The following ANKMY1 variants were observed in gnomAD, a reference collection of about 807,000 sequenced individuals.
The protein encoded by ANKMY1 is ankyrin repeat and MYND domain-containing protein 1.
A neutral mutation model predicts 102.0 loss-of-function variants in ANKMY1; 98 were observed. That is an observed-to-expected ratio of 0.96 (90% CI 0.82 to 1.14). The LOEUF (loss-of-function observed/expected upper bound fraction) is 1.14. ANKMY1 is among the 50% of genes most tolerant of loss of function. The pLI is 0.00. For synonymous variants in ANKMY1, 582 were observed against 559.9 expected, an observed-to-expected ratio of 1.04 and a Z score of -0.56; for missense variants, 1,330 against 1,347.6, an observed-to-expected ratio of 0.99 and a Z score of 0.20.
intron 13 of ANKMY1, among the ~76,000 whole-genome samples, chr2:240,502,152 G>T (rs940515671): frequency 6.1e-5 from 9 of 146,404 alleles, no homozygotes; most frequent in Middle Eastern, 3.4e-3. Context: ...AATGTTGCTG[G>T]GGGACTTGCC....
chr2:240,529,862 C>A lies in ANKMY1; in HGVS notation c.481-353G>T, dbSNP rs139749100. On this transcript the variant is annotated intron_variant, in intron 4 of 17. Coordinates refer to ENST00000401804, the MANE Select transcript of ANKMY1 (RefSeq NM_001282771.3). The surrounding 1 kb of genome is among the most constrained non-coding windows in gnomAD (Gnocchi z 4.2). ...AGGGAACCCAGCCCAAACACCCCAA[C>A]AGGCTGGGGCAGCAGTGGGTGGGGA... 3.8e-3 allele frequency among the ~76,000 whole-genome samples: 586 copies of A among 152,226 alleles called. 9 individuals carry two copies. Among genetic ancestry groups the A allele is most frequent in the African/African-American group, 0.013 (542 of 41,554 alleles).
chr2:240,481,943 G>C (rs918964316), intron 16 of ANKMY1, among the ~76,000 whole-genome samples: 15 of 152,172 alleles, frequency 9.9e-5, no homozygotes, highest in African/African-American at 3.4e-4. Context: ...GAGCAGCCCA[G>C]GGCAGCTCCA....
rs746261567 is a variant in ANKMY1 at position 240,525,711 on chromosome 2, C to A, written c.1309G>T (p.Ala437Ser). The A allele has an allele frequency of 6.2e-7, 1 of 1,614,092 alleles. No individual in the cohort carries two copies. Among genetic ancestry groups the A allele is most frequent in the Admixed American group, 1.7e-5 (1 of 60,006 alleles). ...TGGGGCTCAGGTATGGTCCGTTCAG[C>A]AACATTGGGCTTGAAGGACTGGGCG... is the stretch of plus-strand genomic sequence containing the variant. The part of the protein sequence containing the change: ...YPAQSFKPNV[A>S]ERTIPEPQEP... Residue 437 changes from alanine (A) to serine (S), a missense_variant, in exon 7 of 18, where the codon GCT becomes TCT. Coordinates refer to ENST00000401804, the MANE Select transcript of ANKMY1 (RefSeq NM_001282771.3).
At chr2:240,538,982 G>C (rs2087774245) in intron 4 of ANKMY1, among the ~76,000 whole-genome samples, 1 of 152,166 alleles carries the variant, frequency 6.6e-6, no homozygotes, top group African/African-American at 2.4e-5. Flanking sequence ...CTCAGGGATT[G>C]TAAACGCACC....
intron 15 of ANKMY1, among the ~76,000 whole-genome samples, chr2:240,491,085 CTTT>C (rs1028811155): frequency 4.2e-5 from 6 of 144,348 alleles, no homozygotes; most frequent in Non-Finnish European, 9.1e-5. Flanking sequence ...TATATAATGA[CTTT>C]GTCTTTTTTT....
chr2:240,512,089 G>A (rs2080309930), intron 10 of ANKMY1, 88 bp from the exon 11 acceptor site: 2 of 1,412,748 alleles, frequency 1.4e-6, no homozygotes, highest in Non-Finnish European at 1.8e-6. Flanking sequence ...TTCCTCCCCA[G>A]CCTGCGGGTC....
In ANKMY1 at chr2:240,520,449, C is replaced by A; in HGVS notation, c.1917G>T (p.Leu639=). 1.2e-6 allele frequency: 2 copies of A among 1,613,358 alleles called. No homozygotes were observed. Among genetic ancestry groups the A allele is most frequent in the South Asian group, 2.2e-5 (2 of 91,016 alleles). ...CGTCCCCGGCCTTCACAGCAAGGAA[C>A]AGGACCTGCATGGGCACGCAGCACA... The part of the protein sequence containing the change: ...PNLCCVPMQV[L]FLAVKAGDVD... The change falls in exon 9 of 18, where the codon CTG becomes CTT. Residue 639 remains leucine (L), a synonymous_variant. Transcript: ENST00000401804. The surrounding 1 kb of genome is among the most constrained non-coding windows in gnomAD (Gnocchi z 4.8).
upstream of ANKMY1, among the ~76,000 whole-genome samples, chr2:240,559,834 CAG>C (rs978631770): frequency 1.3e-5 from 2 of 152,174 alleles, no homozygotes; most frequent in Non-Finnish European, 2.9e-5. Flanking sequence ...GACGATAACC[CAG>C]AGAGAGACTG....
chr2:240,523,039 G>A (rs6728549), intron 8 of ANKMY1: 33,976 of 152,132 alleles, frequency 0.22, 4,677 homozygotes, highest in East Asian at 0.68. Context: ...GCCGCATTCT[G>A]TTGCTACTCT....
chr2:240,512,309 G>T (rs954000027), intron 10 of ANKMY1, among the ~76,000 whole-genome samples: 1 of 152,166 alleles, frequency 6.6e-6, no homozygotes, highest in African/African-American at 2.4e-5. Context: ...GTGTGCTGGC[G>T]ACTGAAAGCC....
At chr2:240,486,982 A>G (rs906741469) in intron 15 of ANKMY1, among the ~76,000 whole-genome samples, 7 of 152,208 alleles carry the variant, frequency 4.6e-5, no homozygotes, top group African/African-American at 1.7e-4. Flanking sequence ...GTAGTGATCA[A>G]GTTAGGGTAT....
intron 4 of ANKMY1, among the ~76,000 whole-genome samples, chr2:240,543,340 G>A (rs1575300712): frequency 6.7e-6 from 1 of 148,886 alleles, no homozygotes; most frequent in African/African-American, 2.5e-5. Flanking sequence ...GTGATAGAGC[G>A]AGACTCTTTC....
intron 4 of ANKMY1, among the ~76,000 whole-genome samples, chr2:240,546,902 A>G (rs2090499868): frequency 6.6e-6 from 1 of 152,202 alleles, no homozygotes; most frequent in South Asian, 2.1e-4. Context: ...ACTCCCACAC[A>G]TTAATAATGG....
At chr2:240,525,585 G>T (rs2083194150) in intron 7 of ANKMY1, 100 bp downstream of exon 7, 2 of 1,416,694 alleles carry the variant, frequency 1.4e-6, no homozygotes, top group South Asian at 1.4e-5. Context: ...CCCTGTACAA[G>T]CCTGGTCCAC....
At chr2:240,558,528 G>A (rs1255465478), upstream of ANKMY1, 1 of 152,398 alleles carries the variant, frequency 6.6e-6, no homozygotes, top group African/African-American at 2.4e-5. Flanking sequence ...GGGCTTCACA[G>A]GATGCGCAGG....
At chr2:240,477,067 C>A (rs2074906035), downstream of ANKMY1, among the ~76,000 whole-genome samples, 2 of 152,192 alleles carry the variant, frequency 1.3e-5, no homozygotes, top group South Asian at 4.1e-4. Flanking sequence ...GCCTGTAATC[C>A]CAGCACTTTG....
chr2:240,509,918 GCCCCGTCCATGCCTCCCTGCCCTCCTC>G (rs2079810744), intron 11 of ANKMY1, among the ~76,000 whole-genome samples: 1 of 151,794 alleles, frequency 6.6e-6, no homozygotes, highest in South Asian at 2.1e-4. Flanking sequence ...CAGGAGGGCA[GCCCCGTCCATGCCTCCCTGCCCTCCTC>G]CCCCATCCAT....
At chr2:240,479,680 AG>A in intron 17 of ANKMY1, 25 bp from the exon 18 acceptor site, 8 of 1,607,614 alleles carry the variant, frequency 5.0e-6, no homozygotes, top group Non-Finnish European at 5.9e-6. Context: ...GGTGTGGGGG[AG>A]GGGGAAGAGG....
intron 15 of ANKMY1, among the ~76,000 whole-genome samples, chr2:240,485,804 G>C (rs1488728641): frequency 6.6e-6 from 1 of 152,048 alleles, no homozygotes; most frequent in Non-Finnish European, 1.5e-5. Context: ...TGTTGCCCAG[G>C]TTGGTCTTAA....
Sources: gnomAD v4.1 joint callset for allele counts (sites outside exome capture counted in the v4.1 genomes callset) on GRCh38, gnomAD v4.1.1 for gene constraint, Gnocchi (gnomAD v3.1) non-coding constraint, MANE v1.5 for transcripts, NCBI Gene and HGNC (gene_info 2026-07-23, HGNC 2026-07-21) for gene names.